Variants in NCOA2 observed in about 807,000 individuals in gnomAD.
NCOA2 encodes the protein nuclear receptor coactivator 2.
In NCOA2, 21 loss-of-function variants were observed where a neutral mutation model predicts 145.1. The ratio of observed to expected loss-of-function variants is 0.14; its 90% CI spans 0.10 to 0.21. The LOEUF is 0.21. NCOA2 is among the 10% of genes least tolerant of loss of function. NCOA2 has a pLI of 1.00. For synonymous variants in NCOA2, 619 were observed against 637.5 expected (o/e 0.97, Z 0.44); for missense variants, 1,472 against 1,837.6 (o/e 0.80, Z 3.64).
intron 1 of NCOA2, among the ~76,000 whole-genome samples, chr8:70,393,695 G>T (rs1353727262): frequency 6.6e-6 from 1 of 152,194 alleles, no homozygotes; most frequent in Non-Finnish European, 1.5e-5. Context: ...CCAAGCCTTT[G>T]CTTCCCTGGA....
At position 70,111,771 on chromosome 8, in the gene NCOA2, C is replaced by T. The variant is rs1296723156; in HGVS notation, c.*1861G>A. ...TAAGTATAAATAGGGGTAGTTTGTACATTTTTCACCCTGCCACAAATAAAC... is the reference window on the plus strand; with the variant it reads ...TAAGTATAAATAGGGGTAGTTTGTATATTTTTCACCCTGCCACAAATAAAC... On this transcript the variant is annotated 3_prime_UTR_variant, in exon 23 of 23. Coordinates refer to ENST00000452400, the MANE Select transcript of NCOA2 (RefSeq NM_006540.4). The T allele has an allele frequency of 4.8e-6, 1 of 209,656 alleles. No homozygotes were observed. The highest frequency in any genetic ancestry group is 2.3e-5 in the African/African-American group (1 of 43,998). The allele number at this position is 209,656 out of a possible 1,614,324, so 13.0% of individuals were successfully genotyped here.
intron 1 of NCOA2, among the ~76,000 whole-genome samples, chr8:70,312,133 G>A (rs905524959): frequency 6.6e-6 from 1 of 152,156 alleles, no homozygotes; most frequent in African/African-American, 2.4e-5. Flanking sequence ...CTAGCTCAGT[G>A]CTCACGCAAG....
chr8:70,233,255 C>T (rs981693643), intron 2 of NCOA2, among the ~76,000 whole-genome samples: 2 of 151,888 alleles, frequency 1.3e-5, no homozygotes, highest in African/African-American at 4.8e-5. Flanking sequence ...TGTCATATAC[C>T]ATATTTCATT....
Position 70,112,619 on chromosome 8 carries a change from T to C in NCOA2, c.*1013A>G, listed in dbSNP as rs1221571575. 9.8e-6 allele frequency: 2 copies of C among 203,782 alleles called. No homozygotes were observed. The highest frequency in any genetic ancestry group is 2.0e-5 in the Non-Finnish European group (2 of 99,454). The allele number at this position is 203,782 out of a possible 1,614,324, so 12.6% of individuals were successfully genotyped here. ...CTCGATTGGTATCAAGCCTTAACTT[T>C]GCTCTTCTCCTTGCCAGTAAATGCA... is the stretch of plus-strand genomic sequence containing the variant. On this transcript the variant is annotated 3_prime_UTR_variant, in exon 23 of 23. Transcript: ENST00000452400.
At chr8:70,379,209 T>G (rs1811959902) in intron 1 of NCOA2, among the ~76,000 whole-genome samples, 1 of 152,196 alleles carries the variant, frequency 6.6e-6, no homozygotes, top group Non-Finnish European at 1.5e-5. Flanking sequence ...TTACAATGAT[T>G]TTCTGGTTTC....
At chr8:70,332,935 T>C (rs11780758) in intron 1 of NCOA2, among the ~76,000 whole-genome samples, 16,014 of 152,182 alleles carry the variant, frequency 0.11, 1,291 homozygotes, top group East Asian at 0.41. Flanking sequence ...TTTATAGTCA[T>C]TAACTACAGT....
chr8:70,379,868 TA>T (rs1812037165), intron 1 of NCOA2, among the ~76,000 whole-genome samples: 1 of 152,162 alleles, frequency 6.6e-6, no homozygotes, highest in African/African-American at 2.4e-5. Flanking sequence ...TTGCATCAAC[TA>T]AAACTCATAC....
intron 1 of NCOA2, among the ~76,000 whole-genome samples, chr8:70,356,137 A>G (rs1809665816): frequency 6.6e-6 from 1 of 152,162 alleles, no homozygotes; most frequent in Non-Finnish European, 1.5e-5. Context: ...ATGGGGAGAT[A>G]ATTTTATAAT....
chr8:70,171,247 T>G (rs1274595763), intron 5 of NCOA2, among the ~76,000 whole-genome samples: 1 of 152,216 alleles, frequency 6.6e-6, no homozygotes, highest in African/African-American at 2.4e-5. Flanking sequence ...ATGTTCACTG[T>G]GCCTTACAAG....
intron 2 of NCOA2, among the ~76,000 whole-genome samples, chr8:70,249,632 T>G (rs1822932993): frequency 6.6e-6 from 1 of 152,112 alleles, no homozygotes; most frequent in African/African-American, 2.4e-5. Context: ...CTTAGTTTGA[T>G]ATCATGTTCA....
chr8:70,165,271 A>G (rs138419043), intron 7 of NCOA2, among the ~76,000 whole-genome samples: 7 of 152,364 alleles, frequency 4.6e-5, no homozygotes, highest in African/African-American at 1.7e-4. Flanking sequence ...TTCCTTCTCA[A>G]TAAAATTTAA....
chr8:70,228,182 C>T (rs533320198), intron 2 of NCOA2, among the ~76,000 whole-genome samples: 1 of 152,260 alleles, frequency 6.6e-6, no homozygotes, highest in African/African-American at 2.4e-5. Context: ...TTTTCTCCCT[C>T]AAATGATGGA....
chr8:70,299,164 A>G (rs1827310966), intron 1 of NCOA2, among the ~76,000 whole-genome samples: 1 of 152,246 alleles, frequency 6.6e-6, no homozygotes. Flanking sequence ...AACATTTTAA[A>G]CAAAAAGAAT....
intron 1 of NCOA2, among the ~76,000 whole-genome samples, chr8:70,311,027 G>A (rs939341722): frequency 7.9e-5 from 12 of 151,964 alleles, no homozygotes; most frequent in African/African-American, 2.7e-4. Flanking sequence ...GCAAAAGACC[G>A]TAGTATGTCT....
chr8:70,364,949 C>CT (rs907719141), intron 1 of NCOA2, among the ~76,000 whole-genome samples: 11 of 151,618 alleles, frequency 7.3e-5, no homozygotes, highest in African/African-American at 2.7e-4. Context: ...CTAGGAGGGT[C>CT]TTATTACAAT....
intron 2 of NCOA2, among the ~76,000 whole-genome samples, chr8:70,243,610 A>T (rs2134514342): frequency 6.6e-6 from 1 of 152,150 alleles, no homozygotes; most frequent in South Asian, 2.1e-4. Flanking sequence ...AATAAAGAAA[A>T]ACAAAGAAAG....
chr8:70,390,499 C>A lies in NCOA2; in HGVS notation c.-77+13201G>T, dbSNP rs1368535280. Among the ~76,000 whole-genome samples, 8 of 152,056 alleles carry A rather than the reference C, an allele frequency of 5.3e-5. 1 individual carries two copies. In the South Asian group the frequency reaches 1.5e-3, roughly 28 times the overall value. ...TATAATTATGAGGCCAGGCACAGTGCCTCACACCTATAATCCCAGCATTTT... is the reference window on the plus strand; with the variant it reads ...TATAATTATGAGGCCAGGCACAGTGACTCACACCTATAATCCCAGCATTTT... On this transcript the variant is annotated intron_variant, in intron 1 of 22. Transcript: ENST00000452400.
chr8:70,326,466 C>T (rs1045332419), intron 1 of NCOA2, among the ~76,000 whole-genome samples: 2 of 151,030 alleles, frequency 1.3e-5, no homozygotes, highest in Non-Finnish European at 2.9e-5. Context: ...CACACACACA[C>T]ACACATGCAC....
At chr8:70,203,370 C>T (rs997500316) in intron 4 of NCOA2, among the ~76,000 whole-genome samples, 5 of 151,872 alleles carry the variant, frequency 3.3e-5, no homozygotes, top group African/African-American at 1.2e-4. Flanking sequence ...AAATTAGTCA[C>T]AGTTCCCTCT....
Sources: gnomAD v4.1 joint callset for allele counts (sites outside exome capture counted in the v4.1 genomes callset) on GRCh38, gnomAD v4.1.1 for gene constraint, MANE v1.5 for transcripts, NCBI Gene and HGNC (gene_info 2026-07-23, HGNC 2026-07-21) for gene names.